The following SPOCK2 variants were observed in gnomAD, a reference collection of about 807,000 sequenced individuals.
SPOCK2 encodes SPARC (osteonectin), cwcv and kazal like domains proteoglycan 2, also known as testican-2.
Under a neutral mutation model 60.1 loss-of-function variants are expected in SPOCK2, and 39 were observed. That is an observed-to-expected ratio of 0.65 (90% CI 0.50 to 0.85). The LOEUF (loss-of-function observed/expected upper bound fraction) is 0.85, where lower values mean the gene tolerates loss of function less well. Ranked by LOEUF, SPOCK2 falls within the 40% of genes least tolerant of loss-of-function variation. The pLI is 0.00. For synonymous variants in SPOCK2, 217 were observed against 231.5 expected, an observed-to-expected ratio of 0.94 and a Z score of 0.57; for missense variants, 523 against 567.4, an observed-to-expected ratio of 0.92 and a Z score of 0.80.
Position 72,088,260 on chromosome 10 carries a change from T to C in SPOCK2, c.69A>G (p.Glu23=), listed in dbSNP as rs749604490. ...CCTCCTTGAGCCCCTTGGCGTCGCCTTCGGCCAGGGCTGCCGCGGCCAGGA... is the reference window on the plus strand; with the variant it reads ...CCTCCTTGAGCCCCTTGGCGTCGCCCTCGGCCAGGGCTGCCGCGGCCAGGA... ...LLLLAAAALA[E]GDAKGLKEGE... is the part of the protein sequence containing the mutation. The change falls in exon 1 of 11, where the codon GAA becomes GAG. Residue 23 remains glutamate (E), a synonymous_variant. Coordinates refer to ENST00000373109, the MANE Select transcript of SPOCK2 (RefSeq NM_001244950.2). 15 of 1,608,872 alleles carry C rather than the reference T, an allele frequency of 9.3e-6. No individual in the cohort carries two copies. The highest frequency in any genetic ancestry group is 1.2e-5 in the Non-Finnish European group (14 of 1,178,840).
In SPOCK2 at chr10:72,067,097, T is replaced by C. The variant is rs1473552219; in HGVS notation, c.733A>G (p.Ser245Gly). The change falls in exon 8 of 11, where the codon AGC becomes GGC. Residue 245 changes from serine to glycine, a missense_variant. Physicochemically the swap from Ser to Gly is moderately conservative, Grantham distance 56. Coordinates refer to ENST00000373109, the MANE Select transcript of SPOCK2 (RefSeq NM_001244950.2). ...ATCCAGCCAATGGAGTCCTTGCAGC[T>C]GGCCCCCAGGCTCTTGTCCAGCCCT... is the stretch of plus-strand genomic sequence containing the variant. ...ASGLDKSLGASCKDSIGWMFS... is the reference protein window; with the variant it reads ...ASGLDKSLGAGCKDSIGWMFS... 3 of 1,614,048 alleles carry C rather than the reference T, an allele frequency of 1.9e-6. No individual in the cohort carries two copies. In the Admixed American group the frequency reaches 5.0e-5, roughly 27 times the overall value.
intron 1 of SPOCK2, among the ~76,000 whole-genome samples, chr10:72,082,931 G>GAGAAAAGCGTAA (rs112469846): frequency 0.54 from 80,501 of 150,350 alleles, 23,795 homozygotes; most frequent in African/African-American, 0.8. Flanking sequence ...AGGCTATAAT[G>GAGAAAAGCGTAA]GCCAGGAAGA....
At chr10:72,066,520 T>TTC (rs1473279260) in intron 8 of SPOCK2, among the ~76,000 whole-genome samples, 1 of 150,782 alleles carries the variant, frequency 6.6e-6, no homozygotes, top group African/African-American at 2.4e-5. Context: ...TTTTTTTTTT[T>TTC]CACAGAGAGG....
chr10:72,064,306 T>C (rs1489992793), intron 8 of SPOCK2, 66 bp from the exon 9 acceptor site: 2 of 1,465,174 alleles, frequency 1.4e-6, no homozygotes, highest in Admixed American at 2.6e-5. Context: ...ACTGAGCCCT[T>C]CAAGGCTTAG....
Position 72,087,106 on chromosome 10 carries a change from C to T in SPOCK2, c.189+1034G>A, listed in dbSNP as rs2131826007. ...GCGTCGCCTCTGGCGCATCCGGGCC[C>T]ATCCCCCACAGCACCCCCAACGATC... On this transcript the variant is annotated intron_variant, in intron 1 of 10. Coordinates refer to ENST00000373109, the MANE Select transcript of SPOCK2 (RefSeq NM_001244950.2). This position sits in a 1 kb window ranked among gnomAD's most constrained non-coding sequence, Gnocchi z 4.7. 2 of 1,159,040 alleles carry T rather than the reference C, an allele frequency of 1.7e-6. No individual in the cohort carries two copies. The highest frequency in any genetic ancestry group is 2.7e-5 in the East Asian group (1 of 36,982). 71.8% of individuals were successfully genotyped at this position (1,159,040 alleles called of 1,614,324 possible).
Position 72,087,810 on chromosome 10 carries a change from G to A in SPOCK2, c.189+330C>T, listed in dbSNP as rs907483357. 1.3e-5 allele frequency among the ~76,000 whole-genome samples: 2 copies of A among 152,158 alleles called. No homozygotes were observed. Among genetic ancestry groups the A allele is most frequent in the South Asian group, 4.1e-4 (2 of 4,830 alleles). On this transcript the variant is annotated intron_variant, in intron 1 of 10. Coordinates refer to ENST00000373109, the MANE Select transcript of SPOCK2 (RefSeq NM_001244950.2). The surrounding 1 kb of genome is among the most constrained non-coding windows in gnomAD (Gnocchi z 4.7). ...GCTGGGGACCGGGTCGGGGTCCAGC[G>A]GCAGCCGGGGTCCGGGTCCCCCCGG...
intron 5 of SPOCK2, chr10:72,068,636 T>G: frequency 3.3e-6 from 1 of 301,476 alleles, no homozygotes. Context: ...TCCCCTGTGT[T>G]AGCTGTCTGT....
rs112861648 is a variant in SPOCK2 at position 72,064,135 on chromosome 10, C to T, written c.991+43G>A. ...CTGGGTCTCAGACAAACCCAGGAAGCCGTCCCCACCTCCTCCTCTGAGAGC... is the reference window on the plus strand; with the variant it reads ...CTGGGTCTCAGACAAACCCAGGAAGTCGTCCCCACCTCCTCCTCTGAGAGC... On this transcript the variant is annotated intron_variant, in intron 9 of 10. Transcript: ENST00000373109. 45 of 1,601,568 alleles carry T rather than the reference C, an allele frequency of 2.8e-5. 3 individuals are homozygous for T. Among genetic ancestry groups the T allele is most frequent in the Middle Eastern group, 1.9e-4 (1 of 5,376 alleles).
In SPOCK2 at chr10:72,068,319, T is replaced by G; in HGVS notation, c.475-18A>C. 1 of 1,594,670 alleles carries G rather than the reference T, an allele frequency of 6.3e-7. No homozygotes were observed. The highest frequency in any genetic ancestry group is 8.6e-7 in the Non-Finnish European group (1 of 1,169,490). On this transcript the variant is annotated intron_variant, in intron 5 of 10. Transcript: ENST00000373109. ...AGCTTACACTGCACATGGGGAAAGG[T>G]GGAACAGGGGACTGAGGGCTTACCC...
At position 72,062,556 on chromosome 10, in the gene SPOCK2, C is replaced by T. The variant is rs1840505412; in HGVS notation, c.*204G>A. On this transcript the variant is annotated 3_prime_UTR_variant, in exon 11 of 11. Transcript: ENST00000373109. The surrounding 1 kb of genome is among the most constrained non-coding windows in gnomAD (Gnocchi z 4.3). ...CGCATGCCACACACACACACACATA[C>T]ACACATGCATGCACACATGCACTCA... 1 of 936,214 alleles carries T rather than the reference C, an allele frequency of 1.1e-6. No individual in the cohort carries two copies. The highest frequency in any genetic ancestry group is 1.6e-6 in the Non-Finnish European group (1 of 634,624). The allele number at this position is 936,214 out of a possible 1,614,324, so 58.0% of individuals were successfully genotyped here.
rs537038577 is a variant in SPOCK2 at position 72,081,440 on chromosome 10, T to G, written c.189+6700A>C. On this transcript the variant is annotated intron_variant, in intron 1 of 10. Coordinates refer to ENST00000373109, the MANE Select transcript of SPOCK2 (RefSeq NM_001244950.2). Reference sequence around the variant, plus strand: ...GCAGCCTTGACCGACTGGCAGGTGTTGGGGAAGACAGCAGGAGGGGGCTGG... The same window carrying G: ...GCAGCCTTGACCGACTGGCAGGTGTGGGGGAAGACAGCAGGAGGGGGCTGG... 3.3e-5 allele frequency among the ~76,000 whole-genome samples: 5 copies of G among 152,324 alleles called. No homozygotes were observed. In the East Asian group the frequency reaches 9.7e-4, roughly 29 times the overall value.
chr10:72,079,899 C>T (rs1433235240), intron 1 of SPOCK2, among the ~76,000 whole-genome samples: 1 of 152,114 alleles, frequency 6.6e-6, no homozygotes, highest in African/African-American at 2.4e-5. Context: ...AGTCGCTTCC[C>T]TTGCTGGACT....
chr10:72,063,244 C>T (rs921829750), intron 9 of SPOCK2, 82 bp from the exon 10 acceptor site: 15 of 1,528,594 alleles, frequency 9.8e-6, no homozygotes, highest in South Asian at 6.1e-5. Context: ...GGTCCTCATG[C>T]ATGAGCAGAA....
rs967178424 is a variant in SPOCK2, at chr10:72,060,675, G to A, written c.*2085C>T. The A allele has an allele frequency of 6.5e-6, 1 of 152,956 alleles. No individual in the cohort carries two copies. The highest frequency in any genetic ancestry group is 2.4e-5 in the African/African-American group (1 of 41,440). 9.5% of individuals were successfully genotyped at this position (152,956 alleles called of 1,614,324 possible). The stretch of plus-strand genomic sequence containing the variant: ...TTCCCTGAACTGAGCCGGGGCTGGA[G>A]TGGGGAGGTGAAGGACAGAGAGAGG... On this transcript the variant is annotated 3_prime_UTR_variant, in exon 11 of 11. Coordinates refer to ENST00000373109, the MANE Select transcript of SPOCK2 (RefSeq NM_001244950.2).
chr10:72,067,770 AG>A lies in SPOCK2; in HGVS notation c.590-39del, dbSNP rs772384580. On this transcript the variant is annotated intron_variant, in intron 6 of 10. Transcript: ENST00000373109. ...GAGAAGGCATGGAGGGCGAATGTGC[AG>A]TGGAGCAGCAGGCTCGATCTCAGTC... 3 of 1,602,922 alleles carry A rather than the reference AG, an allele frequency of 1.9e-6. 1 individual carries two copies. The South Asian group carries it at 3.3e-5, about 18-fold the overall frequency.
At chr10:72,086,633 A>G in intron 1 of SPOCK2, 1 of 1,213,482 alleles carries the variant, frequency 8.2e-7, no homozygotes, top group Non-Finnish European at 1.0e-6. Flanking sequence ...GTGCTTCGGG[A>G]AGGCCTCGCG....
intron 9 of SPOCK2, 63 bp from the exon 10 acceptor site, chr10:72,063,225 G>T: frequency 6.5e-7 from 1 of 1,543,796 alleles, no homozygotes; most frequent in Non-Finnish European, 8.7e-7. Context: ...CCTCAGAGAG[G>T]TGACCTCAGG....
At chr10:72,072,375 G>A in intron 3 of SPOCK2, 117 bp from the exon 4 acceptor site, 1 of 1,494,592 alleles carries the variant, frequency 6.7e-7, no homozygotes, top group East Asian at 2.3e-5. Context: ...GAGCTCCTGA[G>A]CTCAGGAGTC....
chr10:72,063,141 T>C lies in SPOCK2; in HGVS notation c.1013A>G (p.Asp338Gly). ...KKPGIFIPSC[D>G]EDGYYRKMQC... ...CATCTTCCGGTAGTAGCCATCCTCG[T>C]CGCAGCTCGGGATGAAGATGCCTGA... is the stretch of plus-strand genomic sequence containing the variant. Residue 338 changes from aspartate (D) to glycine (G), a missense_variant, in exon 10 of 11, where the codon GAC becomes GGC. Transcript: ENST00000373109. 1 of 1,556,884 alleles carries C rather than the reference T, an allele frequency of 6.4e-7. No homozygotes were observed. Among genetic ancestry groups the C allele is most frequent in the African/African-American group, 1.4e-5 (1 of 73,362 alleles).
Sources: allele counts gnomAD v4.1 joint callset (sites outside exome capture counted in the v4.1 genomes callset), GRCh38; gene constraint gnomAD v4.1.1; non-coding constraint Gnocchi (gnomAD v3.1); transcripts MANE v1.5; gene names NCBI Gene and HGNC (gene_info 2026-07-23, HGNC 2026-07-21).